IGDCC3: variants seen among roughly 807,000 people sequenced by gnomAD.
The protein encoded by IGDCC3 is putative neuronal cell adhesion molecule.
In IGDCC3, 47 loss-of-function variants were observed where a neutral mutation model predicts 72.0. That is an observed-to-expected ratio of 0.65 (90% CI 0.52 to 0.83). IGDCC3 has a LOEUF of 0.83. IGDCC3 is among the 40% of genes least tolerant of loss of function. The pLI is 0.00. For missense variants in IGDCC3, 1,038 were observed against 1,091.3 expected, an observed-to-expected ratio of 0.95 and a Z score of 0.69; for synonymous variants, 477 against 472.8, an observed-to-expected ratio of 1.01 and a Z score of -0.11.
chr15:65,358,983 G>A (rs2091243842), intron 2 of IGDCC3, among the ~76,000 whole-genome samples: 1 of 152,076 alleles, frequency 6.6e-6, no homozygotes, highest in Non-Finnish European at 1.5e-5. Flanking sequence ...GTACCACCAT[G>A]TCTGGCTAAT....
intron 2 of IGDCC3, among the ~76,000 whole-genome samples, chr15:65,361,792 C>A (rs951787094): frequency 6.6e-6 from 1 of 152,214 alleles, no homozygotes; most frequent in African/African-American, 2.4e-5. Context: ...TGCACAGGAT[C>A]CCACCGCCGT....
intron 2 of IGDCC3, among the ~76,000 whole-genome samples, chr15:65,340,306 G>GTCGA (rs2091069056): frequency 6.6e-6 from 1 of 152,156 alleles, no homozygotes; most frequent in African/African-American, 2.4e-5. Context: ...GCAGCAAAGG[G>GTCGA]TCGAGGTAGA....
At position 65,330,398 on chromosome 15, in the gene IGDCC3, C is replaced by G. The variant is rs1183193020; in HGVS notation, c.1754-1G>C. On this transcript the variant is annotated splice_acceptor_variant, in intron 10 of 13. Coordinates refer to ENST00000327987, the MANE Select transcript of IGDCC3 (RefSeq NM_004884.4). LOFTEE classifies it high-confidence loss of function. ...TTCACCTCATACACTGCAGTGGGGT[C>G]TGGAGGAAGGCAGGGCGGATGAGCA... The G allele has an allele frequency of 6.2e-7, 1 of 1,611,412 alleles. No homozygotes were observed. The highest frequency in any genetic ancestry group is 1.1e-5 in the South Asian group (1 of 90,882).
At chr15:65,333,439 TGGGTGA>T in intron 5 of IGDCC3, 24 bp from the exon 6 acceptor site, 1 of 1,575,608 alleles carries the variant, frequency 6.3e-7, no homozygotes, top group South Asian at 1.2e-5. Flanking sequence ...GGAGGGGGGA[TGGGTGA>T]GGGTCAGATA....
rs866088237 is a variant in IGDCC3, at chr15:65,342,312, G to A, written c.410-6356C>T. Among the ~76,000 whole-genome samples, 7 of 152,030 alleles carry A rather than the reference G, an allele frequency of 4.6e-5. No individual in the cohort carries two copies. The South Asian group carries it at 1.2e-3, about 27-fold the overall frequency. On this transcript the variant is annotated intron_variant, in intron 2 of 13. Transcript: ENST00000327987. The stretch of plus-strand genomic sequence containing the variant: ...AAGGCAGGAGAATCGCTTGAACCCG[G>A]GAGGTGGAGGTTGGGGTGAGCCGAG...
chr15:65,363,373 G>A (rs1234108020), intron 2 of IGDCC3, among the ~76,000 whole-genome samples: 1 of 152,246 alleles, frequency 6.6e-6, no homozygotes, highest in African/African-American at 2.4e-5. Context: ...AGGCTGGGGA[G>A]CGAGTGTGTA....
intron 6 of IGDCC3, 94 bp downstream of exon 6, chr15:65,333,163 G>T: frequency 7.9e-7 from 1 of 1,261,030 alleles, no homozygotes. Flanking sequence ...CCAGGAGACT[G>T]GGGTGGGACA....
intron 10 of IGDCC3, 75 bp from the exon 11 acceptor site, chr15:65,330,472 G>A: frequency 6.4e-7 from 1 of 1,572,974 alleles, no homozygotes; most frequent in Non-Finnish European, 8.7e-7. Flanking sequence ...AAAGGGAGGT[G>A]ACCCCTGTAC....
At chr15:65,368,362 C>T (rs1323852806) in intron 2 of IGDCC3, among the ~76,000 whole-genome samples, 1 of 152,148 alleles carries the variant, frequency 6.6e-6, no homozygotes, top group South Asian at 2.1e-4. Context: ...TCCTATTCAC[C>T]GGCCCACATT....
intron 2 of IGDCC3, among the ~76,000 whole-genome samples, chr15:65,362,607 G>A (rs1403420012): frequency 6.6e-6 from 1 of 152,092 alleles, no homozygotes; most frequent in Non-Finnish European, 1.5e-5. Flanking sequence ...GAAATGCCTG[G>A]GCCTTACTCA....
chr15:65,369,440 G>A (rs952999831), intron 2 of IGDCC3, among the ~76,000 whole-genome samples: 5 of 152,198 alleles, frequency 3.3e-5, no homozygotes, highest in Middle Eastern at 3.2e-3. Flanking sequence ...TTTGTGCAGT[G>A]CTGACTGGCA....
At chr15:65,370,440 G>C (rs1472040861) in intron 2 of IGDCC3, among the ~76,000 whole-genome samples, 1 of 149,656 alleles carries the variant, frequency 6.7e-6, no homozygotes, top group Non-Finnish European at 1.5e-5. Context: ...CTTGAACCCG[G>C]GAGGCAGATG....
chr15:65,352,725 G>A (rs2091182373), intron 2 of IGDCC3, among the ~76,000 whole-genome samples: 1 of 152,194 alleles, frequency 6.6e-6, no homozygotes, highest in Non-Finnish European at 1.5e-5. Flanking sequence ...AAGATCCTAT[G>A]TGAAAAATAA....
At position 65,339,323 on chromosome 15, in the gene IGDCC3, G is replaced by A. The variant is rs997289362; in HGVS notation, c.410-3367C>T. ...TCTCAAACTCCTGACCTCGTGATCC[G>A]CCCGCCTTGGCTTCCCAAAGTGCTG... On this transcript the variant is annotated intron_variant, in intron 2 of 13. Transcript: ENST00000327987. This position sits in a 1 kb window ranked among gnomAD's most constrained non-coding sequence, Gnocchi z 4.1. 4.6e-5 allele frequency among the ~76,000 whole-genome samples: 7 copies of A among 152,208 alleles called. No homozygotes were observed. The highest frequency in any genetic ancestry group is 2.1e-4 in the South Asian group (1 of 4,834).
intron 2 of IGDCC3, among the ~76,000 whole-genome samples, chr15:65,351,023 T>C (rs1207327974): frequency 6.6e-6 from 1 of 152,218 alleles, no homozygotes; most frequent in East Asian, 1.9e-4. Context: ...TGTTAAAGGA[T>C]TGTTTTAAGT....
In IGDCC3 at chr15:65,334,758, G is replaced by C; in HGVS notation, c.793C>G (p.Pro265Ala). ...AVLECVATGN[P>A]RPIVSWSRLD... is the part of the protein sequence containing the mutation. ...CGGCTCCAGGACACAATGGGGCGCG[G>C]GTTGCCCGTGGCGACACACTCAAGC... Residue 265 changes from proline (P) to alanine (A), a missense_variant, in exon 5 of 14, where the codon CCG becomes GCG. Pro to Ala is a conservative substitution (Grantham distance 27, BLOSUM62 -1). Coordinates refer to ENST00000327987, the MANE Select transcript of IGDCC3 (RefSeq NM_004884.4). The C allele has an allele frequency of 6.3e-7, 1 of 1,597,534 alleles. No individual in the cohort carries two copies. Among genetic ancestry groups the C allele is most frequent in the Non-Finnish European group, 8.5e-7 (1 of 1,172,178 alleles).
In IGDCC3 at chr15:65,377,857, G is replaced by C; in HGVS notation, c.-69C>G. On this transcript the variant is annotated 5_prime_UTR_variant, in exon 1 of 14. Coordinates refer to ENST00000327987, the MANE Select transcript of IGDCC3 (RefSeq NM_004884.4). The surrounding 1 kb of genome is among the most constrained non-coding windows in gnomAD (Gnocchi z 4.9). ...CCTCTCGCGGCTCACAGCGTCCCGC[G>C]GGGCCGGCGCCGGGGCCGGGGCTGG... The C allele has an allele frequency of 1.8e-6, 2 of 1,084,336 alleles. No individual in the cohort carries two copies. The highest frequency in any genetic ancestry group is 2.2e-6 in the Non-Finnish European group (2 of 895,112). 67.2% of individuals were successfully genotyped at this position (1,084,336 alleles called of 1,614,324 possible). A position where few individuals can be genotyped will look rare whatever the true frequency, so the allele number is the denominator to read the frequency against.
rs771561201 is a variant in IGDCC3, at chr15:65,335,930, G to A, written c.436C>T (p.Gln146Ter). ...ATMSDFHVHPQATVGEEGGVA... is the reference protein window; with the variant it reads ...ATMSDFHVHP ...CCACCCTCCTCACCCACGGTGGCCT[G>A]GGGATGCACGTGGAAGTCCGACATG... Residue 146 changes from glutamine to a stop codon, truncating the protein, a stop_gained, in exon 3 of 14, where the codon CAG becomes TAG. Transcript: ENST00000327987. LOFTEE classifies it high-confidence loss of function. 1 of 1,614,020 alleles carries A rather than the reference G, an allele frequency of 6.2e-7. No individual in the cohort carries two copies. The highest frequency in any genetic ancestry group is 8.5e-7 in the Non-Finnish European group (1 of 1,180,000).
chr15:65,334,770 C>G lies in IGDCC3; in HGVS notation c.781G>C (p.Ala261Pro), dbSNP rs761754696. ...VHQTAVLECV[A>P]TGNPRPIVSW... Reference sequence around the variant, plus strand: ...ACAATGGGGCGCGGGTTGCCCGTGGCGACACACTCAAGCACCGCGGTCTGG... The same window carrying G: ...ACAATGGGGCGCGGGTTGCCCGTGGGGACACACTCAAGCACCGCGGTCTGG... The change falls in exon 5 of 14, where the codon GCC (alanine) becomes CCC (proline). Residue 261 changes from alanine (A) to proline (P), a missense_variant. Physicochemically the swap from Ala to Pro is conservative, Grantham distance 27. Transcript: ENST00000327987. 6.2e-7 allele frequency: 1 copy of G among 1,604,652 alleles called. No homozygotes were observed. Among genetic ancestry groups the G allele is most frequent in the East Asian group, 2.2e-5 (1 of 44,470 alleles).
Sources: gnomAD v4.1 joint callset for allele counts (sites outside exome capture counted in the v4.1 genomes callset) on GRCh38, gnomAD v4.1.1 for gene constraint, Gnocchi (gnomAD v3.1) non-coding constraint, MANE v1.5 for transcripts, NCBI Gene and HGNC (gene_info 2026-07-23, HGNC 2026-07-21) for gene names.